CDHR3: variants seen among roughly 807,000 people sequenced by gnomAD.
The protein encoded by CDHR3 is cadherin related family member 3, also known as cadherin-related family member 3.
In CDHR3, 79 loss-of-function variants were observed where a neutral mutation model predicts 86.6. That is an observed-to-expected ratio of 0.91 (90% confidence interval 0.76 to 1.10). The LOEUF is 1.10. Among genes scored for constraint, CDHR3 ranks in the 50% least tolerant of loss-of-function variants. The pLI is 0.00. For missense variants in CDHR3, 1,081 were observed against 1,077.6 expected (o/e 1.00, Z -0.04); for synonymous variants, 421 against 402.4 (o/e 1.05, Z -0.55).
At chr7:105,979,200 G>A (rs1033666461) in intron 2 of CDHR3, among the ~76,000 whole-genome samples, 19 of 152,140 alleles carry the variant, frequency 1.2e-4, no homozygotes, top group Non-Finnish European at 1.5e-5. Flanking sequence ...GCACAGGAAG[G>A]TTAAGCAATG....
At chr7:106,027,603 C>CTT (rs1837554935) in intron 16 of CDHR3, 1 of 442,886 alleles carries the variant, frequency 2.3e-6, no homozygotes, top group Non-Finnish European at 4.5e-6. Context: ...GGCTTGGCCT[C>CTT]AAGTAGACTC....
At chr7:106,013,939 A>G (rs1227497473) in intron 9 of CDHR3, among the ~76,000 whole-genome samples, 1 of 152,100 alleles carries the variant, frequency 6.6e-6, no homozygotes, top group Non-Finnish European at 1.5e-5. Context: ...TATTTTATAC[A>G]TATATGCATA....
chr7:106,029,977 C>T (rs1838081837), intron 17 of CDHR3, among the ~76,000 whole-genome samples: 1 of 152,164 alleles, frequency 6.6e-6, no homozygotes, highest in Non-Finnish European at 1.5e-5. Context: ...TTGATGAAGG[C>T]CATATAATCC....
At chr7:106,022,686 AGT>A (rs1490739888) in intron 14 of CDHR3, among the ~76,000 whole-genome samples, 1 of 152,156 alleles carries the variant, frequency 6.6e-6, no homozygotes, top group Non-Finnish European at 1.5e-5. Context: ...GGTAGAGAAG[AGT>A]GTGTTGTTTG....
At chr7:106,027,052 G>T (rs1279460683) in intron 16 of CDHR3, among the ~76,000 whole-genome samples, 1 of 152,208 alleles carries the variant, frequency 6.6e-6, no homozygotes, top group African/African-American at 2.4e-5. Context: ...AGCCCATGGA[G>T]GGTGTCCTGA....
intron 2 of CDHR3, 125 bp downstream of exon 2, chr7:105,975,171 C>T (rs1585516837): frequency 2.3e-6 from 2 of 860,312 alleles, no homozygotes; most frequent in East Asian, 2.4e-5. Flanking sequence ...TTGTAAGGTC[C>T]AGGAGTCCTG....
Position 106,030,941 on chromosome 7 carries a change from C to A in CDHR3, c.2353+101C>A. ...ATTTCCTGCTTTTAGCTCATTTTGT[C>A]AATCCGTTTGGCTATGTTGCCTATA... On this transcript the variant is annotated intron_variant, in intron 18 of 18. Coordinates refer to ENST00000317716, the MANE Select transcript of CDHR3 (RefSeq NM_152750.5). This position sits in a 1 kb window ranked among gnomAD's most constrained non-coding sequence, Gnocchi z 4.8. 2 of 1,195,352 alleles carry A rather than the reference C, an allele frequency of 1.7e-6. No individual in the cohort carries two copies. The highest frequency in any genetic ancestry group is 2.7e-5 in the South Asian group (2 of 75,028). 74.0% of individuals were successfully genotyped at this position (1,195,352 alleles called of 1,614,324 possible). A position where few individuals can be genotyped will look rare whatever the true frequency, so the allele number is the denominator to read the frequency against.
At position 106,036,331 on chromosome 7, in the gene CDHR3, A is replaced by T. The variant is rs1838921531; in HGVS notation, c.*3634A>T. 1 of 152,242 alleles carries T rather than the reference A, an allele frequency of 6.6e-6. No individual in the cohort carries two copies. The highest frequency in any genetic ancestry group is 2.4e-5 in the African/African-American group (1 of 41,464). The allele number at this position is 152,242 out of a possible 1,614,324, so 9.4% of individuals were successfully genotyped here. A position where few individuals can be genotyped will look rare whatever the true frequency, so the allele number is the denominator to read the frequency against. On this transcript the variant is annotated 3_prime_UTR_variant, in exon 19 of 19. Transcript: ENST00000317716. ...AAATTAAGCTACAAAATGAGTGAAC[A>T]TTGAAGACAATGATTGCTATTGAAA...
At chr7:106,025,695 G>T (rs1171089709) in intron 15 of CDHR3, among the ~76,000 whole-genome samples, 1 of 152,166 alleles carries the variant, frequency 6.6e-6, no homozygotes, top group Non-Finnish European at 1.5e-5. Context: ...AAAATCTATG[G>T]ATGAAAGACT....
intron 8 of CDHR3, among the ~76,000 whole-genome samples, chr7:106,010,800 G>T (rs954783413): frequency 1.3e-5 from 2 of 152,228 alleles, no homozygotes; most frequent in Non-Finnish European, 2.9e-5. Flanking sequence ...GATGGACAAG[G>T]CTGGGCAAGT....
At chr7:106,012,750 C>G in intron 8 of CDHR3, 110 bp from the exon 9 acceptor site, 1 of 1,190,796 alleles carries the variant, frequency 8.4e-7, no homozygotes, top group Non-Finnish European at 1.2e-6. Flanking sequence ...TGACCATGGA[C>G]TTACTTTGAA....
chr7:105,995,670 G>C (rs760126871), intron 5 of CDHR3, among the ~76,000 whole-genome samples: 4 of 152,174 alleles, frequency 2.6e-5, no homozygotes, highest in Non-Finnish European at 5.9e-5. Context: ...TGACCATCTG[G>C]ACCCTGTTGG....
At chr7:105,974,708 C>A in intron 1 of CDHR3, 136 bp from the exon 2 acceptor site, 2 of 660,814 alleles carry the variant, frequency 3.0e-6, no homozygotes, top group East Asian at 5.4e-5. Context: ...TTGGCAAGAG[C>A]GTTTGTTCTC....
At chr7:106,025,988 G>A (rs938007463) in intron 15 of CDHR3, among the ~76,000 whole-genome samples, 20 of 152,304 alleles carry the variant, frequency 1.3e-4, no homozygotes, top group Admixed American at 8.5e-4. Flanking sequence ...CAACTCTCAT[G>A]TAATTTATGG....
In CDHR3 at chr7:106,033,305, A is replaced by G. The variant is rs1349848956; in HGVS notation, c.*608A>G. On this transcript the variant is annotated 3_prime_UTR_variant, in exon 19 of 19. Coordinates refer to ENST00000317716, the MANE Select transcript of CDHR3 (RefSeq NM_152750.5). ...TCCGGATCAGCATCCTGCATGTGAG[A>G]TTCATCCACGTTGTCCTGTCTAGCA... 6.5e-6 allele frequency: 1 copy of G among 152,730 alleles called. No individual in the cohort carries two copies. Among genetic ancestry groups the G allele is most frequent in the African/African-American group, 2.4e-5 (1 of 41,442 alleles). The allele number at this position is 152,730 out of a possible 1,614,324, so 9.5% of individuals were successfully genotyped here.
chr7:105,973,247 A>G (rs1354261920), intron 1 of CDHR3, among the ~76,000 whole-genome samples: 1 of 152,180 alleles, frequency 6.6e-6, no homozygotes, highest in African/African-American at 2.4e-5. Context: ...TACCTGTCTG[A>G]GAGGAGTGTT....
intron 12 of CDHR3, among the ~76,000 whole-genome samples, 184 bp from the exon 13 acceptor site, chr7:106,020,189 T>A (rs1321683229): frequency 6.6e-6 from 1 of 152,212 alleles, no homozygotes; most frequent in Non-Finnish European, 1.5e-5. Context: ...TGATCTTAGA[T>A]CAATTACCTA....
At chr7:106,015,069 A>T in intron 9 of CDHR3, 42 bp from the exon 10 acceptor site, 1 of 1,476,092 alleles carries the variant, frequency 6.8e-7, no homozygotes, top group Non-Finnish European at 9.3e-7. Flanking sequence ...AATAAATAGG[A>T]TTGTTTAATC....
chr7:106,001,267 T>C (rs2115787467), intron 6 of CDHR3, among the ~76,000 whole-genome samples, 195 bp from the exon 7 acceptor site: 1 of 152,298 alleles, frequency 6.6e-6, no homozygotes, highest in Admixed American at 6.5e-5. Flanking sequence ...TTTCTTCACA[T>C]CCACAGGGAT....
Sources: gnomAD v4.1 joint callset for allele counts (sites outside exome capture counted in the v4.1 genomes callset) on GRCh38, gnomAD v4.1.1 for gene constraint, Gnocchi (gnomAD v3.1) non-coding constraint, MANE v1.5 for transcripts, NCBI Gene and HGNC (gene_info 2026-07-23, HGNC 2026-07-21) for gene names.